The following NSDHL variants were observed in gnomAD, a reference collection of about 807,000 sequenced individuals.
The protein encoded by NSDHL is NAD(P) dependent 3-beta-hydroxysteroid dehydrogenase NSDHL.
NSDHL carries 1 observed loss-of-function variant against 23.0 expected under a neutral mutation model. The ratio of observed to expected loss-of-function variants is 0.04; its 90% CI spans 0.02 to 0.21. The LOEUF (loss-of-function observed/expected upper bound fraction) is 0.21. Among genes scored for constraint, NSDHL ranks in the 10% least tolerant of loss-of-function variants. The pLI, the probability that NSDHL is intolerant of heterozygous loss-of-function variation, is 1.00. For missense variants in NSDHL, 237 were observed against 300.9 expected, an observed-to-expected ratio of 0.79 and a Z score of 1.57; for synonymous variants, 128 against 121.1, an observed-to-expected ratio of 1.06 and a Z score of -0.37.
intron 5 of NSDHL, among the ~76,000 whole-genome samples, chrX:152,864,558 C>A (rs1431514329): frequency 8.9e-6 from 1 of 112,162 alleles, no homozygotes; most frequent in African/African-American, 3.2e-5. Context: ...CTTTTGGGTT[C>A]TCAACTGGAA....
chrX:152,849,744 C>T (rs1556846031), intron 2 of NSDHL, among the ~76,000 whole-genome samples: 6 of 112,585 alleles, frequency 5.3e-5, no homozygotes, highest in Non-Finnish European at 3.8e-5. Flanking sequence ...ACAGCCCAGC[C>T]CTGTTGTGGC....
intron 4 of NSDHL, among the ~76,000 whole-genome samples, chrX:152,860,839 T>C (rs1252700783): frequency 8.9e-6 from 1 of 112,636 alleles, no homozygotes; most frequent in Admixed American, 9.4e-5. Flanking sequence ...GCCATTGCTC[T>C]CTTCTTGTAG....
Position 152,869,335 on chromosome X carries a change from CTTCATATTATACCGATTTG to C in NSDHL, c.*223_*241del. On this transcript the variant is annotated 3_prime_UTR_variant, in exon 8 of 8. Transcript: ENST00000370274. ...GATTTGGATTTCTTGAAGCAGGCAG[CTTCATATTATACCGATTTG>C]TTCTCTGTCTTTTTGTGTCTCTCTG... The C allele has an allele frequency of 2.2e-6, 1 of 456,072 alleles. No individual in the cohort carries two copies. Among genetic ancestry groups the C allele is most frequent in the East Asian group, 3.8e-5 (1 of 26,229 alleles). The allele number at this position is 456,072 out of a possible 1,213,427, so 37.6% of individuals were successfully genotyped here.
At chrX:152,838,691 A>G (rs782311888) in intron 1 of NSDHL, among the ~76,000 whole-genome samples, 173 of 111,730 alleles carry the variant, frequency 1.5e-3, no homozygotes, top group Middle Eastern at 4.7e-3. Context: ...GTTCTTTTAC[A>G]TTTGCTGAGG....
intron 1 of NSDHL, 48 bp from the exon 2 acceptor site, chrX:152,846,234 G>A (rs1933271369): frequency 1.4e-6 from 1 of 689,897 alleles, no homozygotes; most frequent in Non-Finnish European, 2.4e-6. Context: ...AACTAAAGAT[G>A]TTTTGACTTA....
intron 6 of NSDHL, among the ~76,000 whole-genome samples, chrX:152,867,133 C>G (rs1256371236): frequency 8.9e-6 from 1 of 111,898 alleles, no homozygotes; most frequent in Non-Finnish European, 1.9e-5. Flanking sequence ...CTCTTCCTTC[C>G]TTTTTCCCTC....
At position 152,846,451 on chromosome X, in the gene NSDHL, CG is replaced by C; in HGVS notation, c.108+20del. ...GAATCAGGTAAGGAGAAAGTTGACA[CG>C]TACATACCAACAGGCTGATACTATT... On this transcript the variant is annotated intron_variant, in intron 2 of 7. Coordinates refer to ENST00000370274, the MANE Select transcript of NSDHL (RefSeq NM_015922.3). 1 of 1,021,275 alleles carries C rather than the reference CG, an allele frequency of 9.8e-7. No individual in the cohort carries two copies. The highest frequency in any genetic ancestry group is 1.4e-6 in the Non-Finnish European group (1 of 721,554). The allele number at this position is 1,021,275 out of a possible 1,213,427, so 84.2% of individuals were successfully genotyped here. A position where few individuals can be genotyped will look rare whatever the true frequency, so the allele number is the denominator to read the frequency against.
At chrX:152,833,601 T>A (rs1338209187) in intron 1 of NSDHL, among the ~76,000 whole-genome samples, 1 of 112,320 alleles carries the variant, frequency 8.9e-6, no homozygotes, top group Non-Finnish European at 1.9e-5. Flanking sequence ...CTCTGTGCCA[T>A]CACTTTGTCC....
intron 1 of NSDHL, among the ~76,000 whole-genome samples, chrX:152,833,878 G>A (rs1293175408): frequency 3.6e-5 from 4 of 112,139 alleles, no homozygotes; most frequent in Non-Finnish European, 7.5e-5. Flanking sequence ...GGTAGTGGCT[G>A]GCATTTGATA....
At chrX:152,868,759 C>A in intron 7 of NSDHL, 25 bp from the exon 8 acceptor site, 1 of 1,184,449 alleles carries the variant, frequency 8.4e-7, no homozygotes, top group Non-Finnish European at 1.1e-6. Context: ...GTGTTTCTAA[C>A]TTCTTGTTCT....
At position 152,833,282 on chromosome X, in the gene NSDHL, G is replaced by A. The variant is rs1412189883; in HGVS notation, c.-44+2165G>A. 8.6e-5 allele frequency among the ~76,000 whole-genome samples: 7 copies of A among 80,937 alleles called. 1 individual carries two copies. Among genetic ancestry groups the A allele is most frequent in the East Asian group, 3.5e-4 (1 of 2,822 alleles). The allele number at this position is 80,937 out of a possible 115,157, so 70.3% of individuals were successfully genotyped here. A position where few individuals can be genotyped will look rare whatever the true frequency, so the allele number is the denominator to read the frequency against. On this transcript the variant is annotated intron_variant, in intron 1 of 7. Coordinates refer to ENST00000370274, the MANE Select transcript of NSDHL (RefSeq NM_015922.3). The stretch of plus-strand genomic sequence containing the variant: ...TGTGGATTTTTGACTTCGGGGCTCC[G>A]TGCCCCTAACCCCCACATTGTTCAA...
At chrX:152,842,659 G>A (rs1358229912) in intron 1 of NSDHL, among the ~76,000 whole-genome samples, 1 of 110,922 alleles carries the variant, frequency 9.0e-6, no homozygotes, top group African/African-American at 3.3e-5. Flanking sequence ...GTGCCACCAC[G>A]CCCAGCTAAT....
intron 5 of NSDHL, among the ~76,000 whole-genome samples, chrX:152,863,168 A>G (rs1451224471): frequency 9.9e-6 from 1 of 100,548 alleles, no homozygotes; most frequent in Non-Finnish European, 2.0e-5. Context: ...GCTGTCTCCC[A>G]AAAAAAAAAA....
chrX:152,864,288 G>A (rs181228275), intron 5 of NSDHL, among the ~76,000 whole-genome samples: 1 of 112,448 alleles, frequency 8.9e-6, no homozygotes, highest in Non-Finnish European at 1.9e-5. Flanking sequence ...GACCAGGGGT[G>A]GAGGCTTGAA....
At position 152,867,650 on chromosome X, in the gene NSDHL, C is replaced by T; in HGVS notation, c.766C>T (p.Arg256Ter). ...CATCCTGGCGGCAGAGCAGCTCTCC[C>T]GAGACTCGACACTGGGTGGGAAGGT... Reference protein sequence around the residue: ...GHILAAEQLSRDSTLGGKAFH... With the variant: ...GHILAAEQLS Residue 256 changes from arginine to a stop codon, truncating the protein, a stop_gained, in exon 7 of 8, where the codon CGA (arginine) becomes TGA (stop). Transcript: ENST00000370274. LOFTEE classifies it high-confidence loss of function. 1 of 1,203,443 alleles carries T rather than the reference C, an allele frequency of 8.3e-7. No homozygotes were observed. Among genetic ancestry groups the T allele is most frequent in the African/African-American group, 1.7e-5 (1 of 57,708 alleles).
At chrX:152,856,778 C>T (rs1286190249) in intron 3 of NSDHL, among the ~76,000 whole-genome samples, 6 of 113,048 alleles carry the variant, frequency 5.3e-5, no homozygotes, top group African/African-American at 1.9e-4. Context: ...AATCCGTGGG[C>T]TGGGTGCAGG....
chrX:152,849,953 A>G (rs1365718679), intron 2 of NSDHL, among the ~76,000 whole-genome samples: 2 of 112,307 alleles, frequency 1.8e-5, no homozygotes, highest in Non-Finnish European at 3.8e-5. Flanking sequence ...TAGATTGTCC[A>G]GTTTTGGTCA....
intron 1 of NSDHL, among the ~76,000 whole-genome samples, chrX:152,834,025 G>C (rs1933054500): frequency 8.9e-6 from 1 of 112,909 alleles, no homozygotes; most frequent in South Asian, 3.6e-4. Flanking sequence ...CTGTTTTACA[G>C]ATAAGGCCTC....
At chrX:152,841,684 A>T (rs1202857925) in intron 1 of NSDHL, among the ~76,000 whole-genome samples, 1 of 112,561 alleles carries the variant, frequency 8.9e-6, no homozygotes, top group African/African-American at 3.2e-5. Context: ...AAGAGACTTG[A>T]GGCTTCTGAT....
Sources: allele counts gnomAD v4.1 joint callset (sites outside exome capture counted in the v4.1 genomes callset), GRCh38; gene constraint gnomAD v4.1.1; transcripts MANE v1.5; gene names NCBI Gene and HGNC (gene_info 2026-07-23, HGNC 2026-07-21).